Variants in DIAPH2 observed in about 807,000 individuals in gnomAD.
DIAPH2 encodes the protein protein diaphanous homolog 2.
Under a neutral mutation model 92.7 loss-of-function variants are expected in DIAPH2, and 35 were observed. That is an observed-to-expected ratio of 0.38 (90% CI 0.29 to 0.50). The LOEUF is 0.50. DIAPH2 is among the 20% of genes least tolerant of loss of function. DIAPH2 has a pLI of 0.94. For synonymous variants in DIAPH2, 301 were observed against 280.4 expected, an observed-to-expected ratio of 1.07 and a Z score of -0.73; for missense variants, 701 against 819.5, an observed-to-expected ratio of 0.86 and a Z score of 1.77.
chrX:96,894,241 G>C (rs2065327322), intron 5 of DIAPH2, among the ~76,000 whole-genome samples: 1 of 105,992 alleles, frequency 9.4e-6, no homozygotes, highest in South Asian at 4.3e-4. Context: ...CCTGAGTACT[G>C]AGTACTGCTA....
At chrX:96,826,747 A>T (rs2064818594) in intron 4 of DIAPH2, among the ~76,000 whole-genome samples, 1 of 111,528 alleles carries the variant, frequency 9.0e-6, no homozygotes, top group Admixed American at 9.5e-5. Flanking sequence ...AATTTTTTAA[A>T]ATTTATTTTA....
At chrX:96,930,911 T>C in intron 10 of DIAPH2, 68 bp downstream of exon 10, 1 of 1,075,509 alleles carries the variant, frequency 9.3e-7, no homozygotes, top group East Asian at 3.4e-5. Context: ...ACAAAAGTAC[T>C]TGAAGCAGAG....
At chrX:97,006,649 G>A (rs769849911) in intron 17 of DIAPH2, among the ~76,000 whole-genome samples, 1 of 111,923 alleles carries the variant, frequency 8.9e-6, no homozygotes, top group African/African-American at 3.2e-5. Context: ...CTTTATAGGT[G>A]AAGCGTGTTT....
At chrX:97,014,697 C>T (rs1420661971) in intron 17 of DIAPH2, among the ~76,000 whole-genome samples, 1 of 111,966 alleles carries the variant, frequency 8.9e-6, no homozygotes, top group African/African-American at 3.2e-5. Flanking sequence ...AATGAAAACG[C>T]GTCAGTGTGC....
intron 5 of DIAPH2, among the ~76,000 whole-genome samples, chrX:96,902,146 A>T (rs373006218): frequency 8.9e-6 from 1 of 111,822 alleles, no homozygotes; most frequent in East Asian, 2.8e-4. Context: ...TTCTGAGAAG[A>T]TGCTTGATCT....
chrX:97,001,603 G>A (rs953696218), intron 17 of DIAPH2, among the ~76,000 whole-genome samples: 10 of 111,224 alleles, frequency 9.0e-5, no homozygotes, highest in Non-Finnish European at 9.4e-5. Context: ...CCTAGATCAC[G>A]CCACTGCACT....
rs1569323905 is a variant in DIAPH2, at chrX:97,187,280, C to CTTTTTTTTTTT, written c.2719+45486_2719+45487insTTTTTTTTTTT. On this transcript the variant is annotated intron_variant, in intron 22 of 26. Coordinates refer to ENST00000324765, the MANE Select transcript of DIAPH2 (RefSeq NM_006729.5). ...TAGGGATTGAAGACTAATTAAGTAG[C>CTTTTTTTTTTT]CTTTTTTTTTTTTTTTTTTTTTTTG... Among the ~76,000 whole-genome samples the CTTTTTTTTTTT allele has an allele frequency of 6.8e-3, 69 of 10,194 alleles. 1 individual carries two copies. Among genetic ancestry groups the CTTTTTTTTTTT allele is most frequent in the African/African-American group, 8.3e-3 (65 of 7,795 alleles). The allele number at this position is 10,194 out of a possible 115,157, so 8.9% of individuals were successfully genotyped here.
chrX:96,983,976 T>C (rs776968176), intron 17 of DIAPH2, among the ~76,000 whole-genome samples: 2 of 112,003 alleles, frequency 1.8e-5, no homozygotes, highest in East Asian at 5.6e-4. Context: ...GGACCCTAGT[T>C]AGAATCTAAT....
intron 22 of DIAPH2, among the ~76,000 whole-genome samples, chrX:97,150,332 C>A (rs1373719365): frequency 9.0e-6 from 1 of 111,673 alleles, no homozygotes. Context: ...AAAACAATAT[C>A]TTCAGGTAGC....
intron 23 of DIAPH2, among the ~76,000 whole-genome samples, chrX:97,307,152 T>C (rs1214088975): frequency 8.9e-6 from 1 of 112,123 alleles, no homozygotes; most frequent in Non-Finnish European, 1.9e-5. Flanking sequence ...AAAAAGCCAC[T>C]GTTGAATCAC....
intron 7 of DIAPH2, among the ~76,000 whole-genome samples, 168 bp downstream of exon 7, chrX:96,912,720 A>G (rs746401354): frequency 1.8e-5 from 2 of 110,610 alleles, no homozygotes; most frequent in Non-Finnish European, 3.8e-5. Flanking sequence ...CGACCCATCA[A>G]CCTAAATAAT....
At chrX:96,888,652 T>TGG (rs1569421285) in intron 5 of DIAPH2, among the ~76,000 whole-genome samples, 26 of 99,276 alleles carry the variant, frequency 2.6e-4, no homozygotes, top group African/African-American at 8.6e-4. Context: ...TATATATATA[T>TGG]TACCATGTAT....
chrX:96,901,468 CTCTGA>C (rs1316385204), intron 5 of DIAPH2, among the ~76,000 whole-genome samples: 1 of 94,550 alleles, frequency 1.1e-5, no homozygotes, highest in Admixed American at 1.2e-4. Context: ...TTTAGTTCTG[CTCTGA>C]TCTTTGCTAT....
intron 22 of DIAPH2, among the ~76,000 whole-genome samples, chrX:97,208,317 A>G (rs2067814093): frequency 8.9e-6 from 1 of 112,181 alleles, no homozygotes; most frequent in Non-Finnish European, 1.9e-5. Flanking sequence ...ACATAATTGA[A>G]CTCAGGAAGA....
At chrX:97,498,731 A>G (rs745831048) in intron 26 of DIAPH2, among the ~76,000 whole-genome samples, 8 of 111,907 alleles carry the variant, frequency 7.1e-5, no homozygotes, top group African/African-American at 2.6e-4. Flanking sequence ...CCATTGAGAA[A>G]GGAAAAGATG....
chrX:97,247,960 A>G (rs1434484652), intron 23 of DIAPH2, 121 bp downstream of exon 23: 2 of 654,816 alleles, frequency 3.1e-6, no homozygotes, highest in Admixed American at 8.1e-5. Context: ...GAATTTGTGT[A>G]TATGCTGTTT....
intron 26 of DIAPH2, among the ~76,000 whole-genome samples, chrX:97,590,891 TA>T (rs902315692): frequency 8.9e-6 from 1 of 112,106 alleles, no homozygotes; most frequent in Admixed American, 9.5e-5. Flanking sequence ...ACTGTTTTTT[TA>T]AAAAAATAGA....
chrX:97,473,951 C>CTT (rs1240230474), intron 26 of DIAPH2, among the ~76,000 whole-genome samples: 1 of 112,408 alleles, frequency 8.9e-6, no homozygotes, highest in Non-Finnish European at 1.9e-5. Flanking sequence ...CAAAGGGAGA[C>CTT]TGTCTCAAAA....
intron 17 of DIAPH2, among the ~76,000 whole-genome samples, chrX:97,036,793 G>T: frequency 8.9e-6 from 1 of 111,872 alleles, no homozygotes; most frequent in Non-Finnish European, 1.9e-5. Flanking sequence ...TTGTGTGACT[G>T]CTCTTTGCTT....
Sources: gnomAD v4.1 joint callset for allele counts (sites outside exome capture counted in the v4.1 genomes callset) on GRCh38, gnomAD v4.1.1 for gene constraint, MANE v1.5 for transcripts, NCBI Gene and HGNC (gene_info 2026-07-23, HGNC 2026-07-21) for gene names.